Variants in CDH12 observed in about 807,000 individuals in gnomAD.
CDH12 encodes the protein cadherin 12.
Under a neutral mutation model 74.1 loss-of-function variants are expected in CDH12, and 41 were observed. The ratio of observed to expected loss-of-function variants is 0.55; its 90% CI spans 0.43 to 0.72. The LOEUF (loss-of-function observed/expected upper bound fraction) is 0.72. Ranked by LOEUF, CDH12 falls within the 30% of genes least tolerant of loss-of-function variation. CDH12 has a pLI of 0.00. For synonymous variants in CDH12, 399 were observed against 355.0 expected (o/e 1.12, Z -1.39); for missense variants, 945 against 977.2 (o/e 0.97, Z 0.44).
At chr5:22,274,285 G>T (rs772750446) in intron 3 of CDH12, among the ~76,000 whole-genome samples, 4 of 151,990 alleles carry the variant, frequency 2.6e-5, no homozygotes, top group Non-Finnish European at 4.4e-5. Context: ...ATATTTCTAA[G>T]ACAATTGTAA....
chr5:22,562,772 A>T (rs1273481223), intron 1 of CDH12, among the ~76,000 whole-genome samples: 4 of 151,468 alleles, frequency 2.6e-5, no homozygotes, highest in African/African-American at 9.7e-5. Flanking sequence ...GAAGAAAGAG[A>T]GACAAAACAG....
At chr5:22,354,042 C>T (rs566618557) in intron 3 of CDH12, among the ~76,000 whole-genome samples, 1 of 152,242 alleles carries the variant, frequency 6.6e-6, no homozygotes, top group South Asian at 2.1e-4. Flanking sequence ...GACAAAATTC[C>T]CATCCAAGTC....
At chr5:21,876,581 T>C (rs1181554023) in intron 6 of CDH12, among the ~76,000 whole-genome samples, 1 of 152,246 alleles carries the variant, frequency 6.6e-6, no homozygotes, top group African/African-American at 2.4e-5. Context: ...GTTTTCCTTA[T>C]GCATTCTGCC....
chr5:22,327,981 G>A (rs1739192527), intron 3 of CDH12, among the ~76,000 whole-genome samples: 1 of 152,238 alleles, frequency 6.6e-6, no homozygotes, highest in African/African-American at 2.4e-5. Context: ...TATATGTATT[G>A]GAATGATAAA....
intron 2 of CDH12, among the ~76,000 whole-genome samples, chr5:22,461,490 A>T (rs1409248337): frequency 1.3e-5 from 2 of 152,022 alleles, no homozygotes; most frequent in Non-Finnish European, 1.5e-5. Flanking sequence ...AGCAAAAAAA[A>T]AAAACCTGCA....
chr5:22,117,459 T>A (rs868701776), intron 4 of CDH12, among the ~76,000 whole-genome samples: 16 of 63,438 alleles, frequency 2.5e-4, no homozygotes, highest in African/African-American at 6.6e-4. Context: ...ATATATATAT[T>A]ATATATATAA....
At chr5:22,666,466 T>C (rs1740630050) in intron 1 of CDH12, among the ~76,000 whole-genome samples, 1 of 151,642 alleles carries the variant, frequency 6.6e-6, no homozygotes, top group South Asian at 2.1e-4. Context: ...ATTTTTGTAT[T>C]TTTTTAGTAG....
chr5:22,257,689 T>A (rs1238600753), intron 3 of CDH12, among the ~76,000 whole-genome samples: 1 of 151,800 alleles, frequency 6.6e-6, no homozygotes, highest in Non-Finnish European at 1.5e-5. Flanking sequence ...TTAGTAGAGA[T>A]GGGGTTTCAC....
At chr5:21,776,710 A>G (rs1362241794) in intron 11 of CDH12, among the ~76,000 whole-genome samples, 1 of 152,134 alleles carries the variant, frequency 6.6e-6, no homozygotes, top group Non-Finnish European at 1.5e-5. Flanking sequence ...GCATCATTGA[A>G]CATATTTGCC....
intron 3 of CDH12, among the ~76,000 whole-genome samples, chr5:22,249,761 C>T (rs1435287372): frequency 1.3e-5 from 2 of 152,036 alleles, no homozygotes; most frequent in East Asian, 1.9e-4. Flanking sequence ...TTACTAAGGT[C>T]GACTTTTTCT....
intron 3 of CDH12, among the ~76,000 whole-genome samples, chr5:22,337,156 T>C (rs984516397): frequency 1.3e-5 from 2 of 152,222 alleles, no homozygotes; most frequent in South Asian, 2.1e-4. Context: ...TTCTTCCATT[T>C]GGAATGGCTG....
At chr5:22,651,220 C>T (rs1739719524) in intron 1 of CDH12, among the ~76,000 whole-genome samples, 1 of 151,978 alleles carries the variant, frequency 6.6e-6, no homozygotes, top group African/African-American at 2.4e-5. Context: ...CTACCTCTTC[C>T]CTCCCCAAAC....
chr5:22,204,169 T>TG (rs1255141499), intron 4 of CDH12, among the ~76,000 whole-genome samples: 7 of 148,496 alleles, frequency 4.7e-5, no homozygotes, highest in African/African-American at 1.7e-4. Context: ...TTTGTTTTTT[T>TG]TTTTTTGTTT....
intron 3 of CDH12, among the ~76,000 whole-genome samples, chr5:22,361,957 G>A (rs1437637955): frequency 6.6e-6 from 1 of 152,068 alleles, no homozygotes; most frequent in East Asian, 1.9e-4. Flanking sequence ...TTAAATGTTA[G>A]ACCTAAAACC....
Position 22,752,558 on chromosome 5 carries a change from T to C in CDH12, c.-523+100500A>G, listed in dbSNP as rs1464046107. On this transcript the variant is annotated intron_variant, in intron 1 of 14. Coordinates refer to ENST00000382254, the MANE Select transcript of CDH12 (RefSeq NM_004061.5). ...GATAGGATACTTCTTTTTTTTTTTT[T>C]TTTTTTTTTTTTTTTCTTTTTTTTT... Among the ~76,000 whole-genome samples, 168 of 20,368 alleles carry C rather than the reference T, an allele frequency of 8.2e-3. 2 individuals carry two copies. Among genetic ancestry groups the C allele is most frequent in the East Asian group, 0.043 (3 of 70 alleles). The allele number at this position is 20,368 out of a possible 152,430, so 13.4% of individuals were successfully genotyped here. A position where few individuals can be genotyped will look rare whatever the true frequency, so the allele number is the denominator to read the frequency against.
intron 11 of CDH12, among the ~76,000 whole-genome samples, chr5:21,766,663 C>T (rs1240060716): frequency 6.6e-6 from 1 of 151,808 alleles, no homozygotes; most frequent in Non-Finnish European, 1.5e-5. Flanking sequence ...TTATTGCTAT[C>T]CATTATTTAC....
At chr5:22,601,525 C>G (rs1736853640) in intron 1 of CDH12, among the ~76,000 whole-genome samples, 1 of 151,904 alleles carries the variant, frequency 6.6e-6, no homozygotes, top group African/African-American at 2.4e-5. Context: ...TCGTGGCATG[C>G]CAAGGGGTTG....
chr5:22,534,679 G>A (rs1404516497), intron 1 of CDH12, among the ~76,000 whole-genome samples: 2 of 151,794 alleles, frequency 1.3e-5, no homozygotes, highest in Non-Finnish European at 2.9e-5. Context: ...AGGGGAGAGG[G>A]GAGAGGCCAT....
chr5:22,698,144 G>A (rs1742481283), intron 1 of CDH12, among the ~76,000 whole-genome samples: 1 of 22,960 alleles, frequency 4.4e-5, no homozygotes, highest in Admixed American at 6.2e-4. Context: ...TTTTTGAGAT[G>A]GAGTTTCTAT....
Sources: gnomAD v4.1 joint callset for allele counts (sites outside exome capture counted in the v4.1 genomes callset) on GRCh38, gnomAD v4.1.1 for gene constraint, MANE v1.5 for transcripts, NCBI Gene and HGNC (gene_info 2026-07-23, HGNC 2026-07-21) for gene names.